Variants in PDE10A observed in about 807,000 individuals in gnomAD.
PDE10A encodes cAMP and cAMP-inhibited cGMP 3',5'-cyclic phosphodiesterase 10A.
In PDE10A, 39 loss-of-function variants were observed where a neutral mutation model predicts 97.7. The observed-to-expected ratio is 0.40, with a 90% CI of 0.31 to 0.52. The LOEUF (loss-of-function observed/expected upper bound fraction) is 0.52, where lower values mean the gene tolerates loss of function less well. Ranked by LOEUF, PDE10A falls within the 20% of genes least tolerant of loss-of-function variation. PDE10A has a pLI of 0.56. For synonymous variants in PDE10A, 371 were observed against 376.8 expected (o/e 0.98, Z 0.18); for missense variants, 731 against 1,047.8 (o/e 0.70, Z 4.17).
chr6:165,647,298 C>T (rs947058455), intron 1 of PDE10A, among the ~76,000 whole-genome samples: 1 of 152,144 alleles, frequency 6.6e-6, no homozygotes, highest in African/African-American at 2.4e-5. Context: ...GCCACTCTGC[C>T]CCCGGAGCTG....
intron 1 of PDE10A, among the ~76,000 whole-genome samples, chr6:165,721,358 T>G (rs1792163746): frequency 6.6e-6 from 1 of 152,256 alleles, no homozygotes; most frequent in African/African-American, 2.4e-5. Context: ...GTCAATCCAA[T>G]TCATTACTTC....
chr6:165,551,084 C>T (rs546578810), intron 1 of PDE10A, among the ~76,000 whole-genome samples: 1 of 152,254 alleles, frequency 6.6e-6, no homozygotes, highest in African/African-American at 2.4e-5. Flanking sequence ...TGTTATACCA[C>T]CACACTGCTC....
chr6:165,589,120 C>T (rs922255629), intron 1 of PDE10A, among the ~76,000 whole-genome samples: 5 of 152,088 alleles, frequency 3.3e-5, no homozygotes, highest in African/African-American at 9.7e-5. Flanking sequence ...CTGCTGAAGT[C>T]CAAAAAATAA....
At chr6:165,548,687 A>T (rs1373375332) in intron 1 of PDE10A, among the ~76,000 whole-genome samples, 1 of 152,150 alleles carries the variant, frequency 6.6e-6, no homozygotes, top group Non-Finnish European at 1.5e-5. Flanking sequence ...CTAATTCAGT[A>T]GGGCTTGACA....
chr6:165,962,113 G>A (rs1441641147), intron 1 of PDE10A, among the ~76,000 whole-genome samples: 1 of 152,242 alleles, frequency 6.6e-6, no homozygotes, highest in Non-Finnish European at 1.5e-5. Flanking sequence ...ATATGATGCC[G>A]CTGAGATTGG....
chr6:165,570,373 G>A (rs74759676), intron 1 of PDE10A, among the ~76,000 whole-genome samples: 1 of 152,132 alleles, frequency 6.6e-6, no homozygotes, highest in Non-Finnish European at 1.5e-5. Flanking sequence ...TTTAGCTCAA[G>A]CCACTAGGAG....
At chr6:165,347,793 G>A (rs1239638927) in intron 18 of PDE10A, among the ~76,000 whole-genome samples, 2 of 152,162 alleles carry the variant, frequency 1.3e-5, no homozygotes, top group African/African-American at 4.8e-5. Flanking sequence ...GGTAAAGGCT[G>A]GAGGCTGCTG....
At chr6:165,333,148 T>C (rs1421249359) in intron 21 of PDE10A, 21 bp from the exon 22 acceptor site, 1 of 1,387,036 alleles carries the variant, frequency 7.2e-7, no homozygotes, top group Non-Finnish European at 1.0e-6. Context: ...AAGATGCAGT[T>C]TCAGGAGAAG....
Position 165,425,780 on chromosome 6 carries a change from T to TGTGTGTGTGC in PDE10A, c.1653+2877_1653+2878insGCACACACAC, listed in dbSNP as rs1434051288. ...TATAGAAGGCATGATCGTGTGTGTG[T>TGTGTGTGTGC]GTGTGTGTGTGTGTGTGTGTATGTA... is the stretch of plus-strand genomic sequence containing the variant. On this transcript the variant is annotated intron_variant, in intron 10 of 21. Transcript: ENST00000539869. 2.6e-5 allele frequency among the ~76,000 whole-genome samples: 4 copies of TGTGTGTGTGC among 151,520 alleles called. No homozygotes were observed. The South Asian group carries it at 8.3e-4, about 32-fold the overall frequency.
chr6:165,448,755 T>G, intron 5 of PDE10A, among the ~76,000 whole-genome samples, 173 bp downstream of exon 5: 1 of 151,832 alleles, frequency 6.6e-6, no homozygotes, highest in South Asian at 2.1e-4. Context: ...TATGCCTAAA[T>G]GTTGCCATGT....
At chr6:165,856,579 C>A (rs1019838143) in intron 1 of PDE10A, among the ~76,000 whole-genome samples, 1 of 152,224 alleles carries the variant, frequency 6.6e-6, no homozygotes, top group Non-Finnish European at 1.5e-5. Context: ...AAACCACACA[C>A]TTAGGAACTC....
intron 1 of PDE10A, among the ~76,000 whole-genome samples, chr6:165,654,827 A>C (rs1006126732): frequency 6.6e-6 from 1 of 152,174 alleles, no homozygotes; most frequent in Non-Finnish European, 1.5e-5. Context: ...TCTCTGGAGC[A>C]TCTGGCTTCT....
chr6:165,868,822 T>C (rs892756988), intron 1 of PDE10A, among the ~76,000 whole-genome samples: 1 of 151,830 alleles, frequency 6.6e-6, no homozygotes, highest in Non-Finnish European at 1.5e-5. Flanking sequence ...TAATACACCA[T>C]GGTAAAGTGG....
rs551242675 is a variant in PDE10A at position 165,379,422 on chromosome 6, T to C, written c.2611-56A>G. 1.5e-5 allele frequency: 21 copies of C among 1,383,924 alleles called. No homozygotes were observed. The East Asian group carries it at 4.5e-4, about 29-fold the overall frequency. 85.7% of individuals were successfully genotyped at this position (1,383,924 alleles called of 1,614,324 possible). On this transcript the variant is annotated intron_variant, in intron 17 of 21. Transcript: ENST00000539869. Reference sequence around the variant, plus strand: ...ATAACAAGCACAAGCTCTAATCTTATGACATTTTTAGTTATTTGAAACTAT... The same window carrying C: ...ATAACAAGCACAAGCTCTAATCTTACGACATTTTTAGTTATTTGAAACTAT...
intron 2 of PDE10A, among the ~76,000 whole-genome samples, chr6:165,524,071 C>T (rs1313988385): frequency 2.0e-5 from 3 of 152,162 alleles, no homozygotes; most frequent in African/African-American, 7.2e-5. Context: ...ATGCTTCCTG[C>T]CCTGCAACAT....
At chr6:165,901,936 A>G (rs1033316461) in intron 1 of PDE10A, among the ~76,000 whole-genome samples, 1 of 152,246 alleles carries the variant, frequency 6.6e-6, no homozygotes, top group Non-Finnish European at 1.5e-5. Flanking sequence ...GGTTGAGGTC[A>G]GAGTATCCAG....
At chr6:165,384,438 G>A (rs563362429) in intron 17 of PDE10A, among the ~76,000 whole-genome samples, 7 of 152,192 alleles carry the variant, frequency 4.6e-5, no homozygotes, top group African/African-American at 1.4e-4. Context: ...AAATGAGAAC[G>A]CAGACTGACC....
chr6:165,609,447 C>T (rs1787385421), intron 1 of PDE10A, among the ~76,000 whole-genome samples: 1 of 152,176 alleles, frequency 6.6e-6, no homozygotes, highest in Non-Finnish European at 1.5e-5. Flanking sequence ...AGAACTGGCA[C>T]AAGACAGGGA....
intron 1 of PDE10A, among the ~76,000 whole-genome samples, chr6:165,568,193 G>A (rs1018157965): frequency 1.3e-5 from 2 of 151,864 alleles, no homozygotes; most frequent in Admixed American, 6.6e-5. Flanking sequence ...TAGAGACGGG[G>A]TTTCACCATG....
Sources: gnomAD v4.1 joint callset for allele counts (sites outside exome capture counted in the v4.1 genomes callset) on GRCh38, gnomAD v4.1.1 for gene constraint, MANE v1.5 for transcripts, NCBI Gene and HGNC (gene_info 2026-07-23, HGNC 2026-07-21) for gene names.